KLF9: variants seen among roughly 807,000 people sequenced by gnomAD.
KLF9 encodes the protein KLF transcription factor 9, also known as Krueppel-like factor 9.
Under a neutral mutation model 17.3 loss-of-function variants are expected in KLF9, and 2 were observed. The ratio of observed to expected loss-of-function variants is 0.12; its 90% confidence interval spans 0.05 to 0.36. KLF9 has a LOEUF of 0.36. Among genes scored for constraint, KLF9 ranks in the 10% least tolerant of loss-of-function variants. The pLI, the probability that KLF9 is intolerant of heterozygous loss-of-function variation, is 1.00. For synonymous variants in KLF9, 138 were observed against 139.2 expected (o/e 0.99, Z 0.06); for missense variants, 226 against 333.2 (o/e 0.68, Z 2.51).
chr9:70,409,113 TAC>T (rs1222820617), intron 1 of KLF9, among the ~76,000 whole-genome samples: 2 of 90,756 alleles, frequency 2.2e-5, no homozygotes, highest in South Asian at 7.0e-4. Context: ...TGTATATATA[TAC>T]ATATATGTAT....
chr9:70,408,718 C>A (rs1005252218), intron 1 of KLF9, among the ~76,000 whole-genome samples: 2 of 152,026 alleles, frequency 1.3e-5, no homozygotes, highest in African/African-American at 4.8e-5. Flanking sequence ...GAGAAGAGTG[C>A]AAGAAGCTCA....
chr9:70,409,978 C>A (rs914620112), intron 1 of KLF9, among the ~76,000 whole-genome samples: 1 of 152,222 alleles, frequency 6.6e-6, no homozygotes, highest in African/African-American at 2.4e-5. Flanking sequence ...GTGTGTGGAA[C>A]CCTACCAAGT....
chr9:70,412,825 CCA>C, intron 1 of KLF9, 32 bp downstream of exon 1: 5 of 1,529,208 alleles, frequency 3.3e-6, no homozygotes, highest in Non-Finnish European at 4.4e-6. Flanking sequence ...TTAACTAACC[CCA>C]GAGCTCCGGG....
At chr9:70,407,748 C>G (rs1333948061) in intron 1 of KLF9, among the ~76,000 whole-genome samples, 2 of 152,216 alleles carry the variant, frequency 1.3e-5, no homozygotes, top group African/African-American at 4.8e-5. Context: ...GGCTGAAGAA[C>G]AGTCTGGGCA....
intron 1 of KLF9, among the ~76,000 whole-genome samples, chr9:70,394,320 T>C (rs201378864): frequency 3.6e-5 from 2 of 55,642 alleles, no homozygotes; most frequent in South Asian, 6.6e-4. Context: ...CACACACACA[T>C]TTAGTATCAT....
chr9:70,392,100 G>A (rs2037156778), intron 1 of KLF9, among the ~76,000 whole-genome samples: 1 of 152,198 alleles, frequency 6.6e-6, no homozygotes, highest in Non-Finnish European at 1.5e-5. Context: ...CATGAGAATC[G>A]CTTGAACCCG....
Position 70,384,957 on chromosome 9 carries a change from A to T in KLF9, c.*2819T>A, listed in dbSNP as rs2037099383. The T allele has an allele frequency of 6.6e-6, 1 of 152,450 alleles. No individual in the cohort carries two copies. Among genetic ancestry groups the T allele is most frequent in the Non-Finnish European group, 1.5e-5 (1 of 68,034 alleles). 9.4% of individuals were successfully genotyped at this position (152,450 alleles called of 1,614,324 possible). A position where few individuals can be genotyped will look rare whatever the true frequency, so the allele number is the denominator to read the frequency against. ...AACCTTAAAGCCAGGGCATCATTCC[A>T]CAATGGTGAAGGGCTTTCTTCTTCC... On this transcript the variant is annotated 3_prime_UTR_variant, in exon 2 of 2. Coordinates refer to ENST00000377126, the MANE Select transcript of KLF9 (RefSeq NM_001206.4).
chr9:70,398,404 C>T (rs758670348), intron 1 of KLF9, among the ~76,000 whole-genome samples: 2 of 152,184 alleles, frequency 1.3e-5, no homozygotes, highest in East Asian at 1.9e-4. Flanking sequence ...ATCCAAATAT[C>T]GTGCACACAT....
chr9:70,392,915 C>T (rs772220091), intron 1 of KLF9, among the ~76,000 whole-genome samples: 28 of 152,172 alleles, frequency 1.8e-4, no homozygotes, highest in Non-Finnish European at 3.4e-4. Context: ...CACACTTGTA[C>T]CACTGCATTA....
intron 1 of KLF9, among the ~76,000 whole-genome samples, chr9:70,406,276 C>T (rs936768104): frequency 1.3e-5 from 2 of 152,134 alleles, no homozygotes; most frequent in Non-Finnish European, 2.9e-5. Context: ...TGGTGAGGCT[C>T]TGGGAGATTA....
intron 1 of KLF9, among the ~76,000 whole-genome samples, chr9:70,407,683 G>A (rs1295041598): frequency 1.3e-5 from 2 of 152,164 alleles, no homozygotes; most frequent in Non-Finnish European, 2.9e-5. Context: ...AGAGCTATAG[G>A]GTCCTAACAG....
intron 1 of KLF9, among the ~76,000 whole-genome samples, chr9:70,411,631 AG>A (rs1351751223): frequency 6.6e-6 from 1 of 152,198 alleles, no homozygotes; most frequent in Non-Finnish European, 1.5e-5. Context: ...TCTTTTAAAA[AG>A]GAAAGCAAAA....
chr9:70,402,190 T>C (rs566044891), intron 1 of KLF9, among the ~76,000 whole-genome samples: 1 of 152,252 alleles, frequency 6.6e-6, no homozygotes, highest in South Asian at 2.1e-4. Flanking sequence ...TGGATTACAA[T>C]ACGAGAGAAA....
intron 1 of KLF9, among the ~76,000 whole-genome samples, chr9:70,409,161 C>T (rs10868823): frequency 0.19 from 10,158 of 53,184 alleles, 1,728 homozygotes; most frequent in Non-Finnish European, 0.32. Flanking sequence ...TATATATATA[C>T]ACATATATGT....
rs1228414753 is a variant in KLF9 at position 70,413,359 on chromosome 9, G to A, written c.5C>T (p.Ser2Phe). The A allele has an allele frequency of 2.0e-6, 3 of 1,532,430 alleles. No individual in the cohort carries two copies. The highest frequency in any genetic ancestry group is 1.4e-5 in the African/African-American group (1 of 73,126). 94.9% of individuals were successfully genotyped at this position (1,532,430 alleles called of 1,614,324 possible). A position where few individuals can be genotyped will look rare whatever the true frequency, so the allele number is the denominator to read the frequency against. The change falls in exon 1 of 2, where the codon TCC becomes TTC. Residue 2 changes from serine to phenylalanine, a missense_variant. Physicochemically the swap from Ser to Phe is radical, Grantham distance 155. Transcript: ENST00000377126. This position sits in a 1 kb window ranked among gnomAD's most constrained non-coding sequence, Gnocchi z 5.6. The stretch of plus-strand genomic sequence containing the variant: ...CACGAAGTCCATGTAGGCGGCCGCG[G>A]ACATGGTGCGGGCGACGGCAGCCCA... M[S>F]AAAYMDFVAA... is the part of the protein sequence containing the mutation.
At chr9:70,410,901 A>G (rs906817641) in intron 1 of KLF9, among the ~76,000 whole-genome samples, 1 of 152,126 alleles carries the variant, frequency 6.6e-6, no homozygotes, top group Non-Finnish European at 1.5e-5. Flanking sequence ...TCAACCATGC[A>G]CTAAGATTAG....
chr9:70,392,060 C>T (rs1395469839), intron 1 of KLF9, among the ~76,000 whole-genome samples: 1 of 152,190 alleles, frequency 6.6e-6, no homozygotes, highest in Admixed American at 6.5e-5. Context: ...TGGCGTTGCA[C>T]ACCTATAATC....
At chr9:70,411,612 C>A (rs185392667) in intron 1 of KLF9, among the ~76,000 whole-genome samples, 2 of 152,212 alleles carry the variant, frequency 1.3e-5, no homozygotes. Context: ...GAAGCAGTTA[C>A]GTGGCCTTTC....
chr9:70,408,588 T>C (rs1204003044), intron 1 of KLF9, among the ~76,000 whole-genome samples: 1 of 152,098 alleles, frequency 6.6e-6, no homozygotes, highest in Non-Finnish European at 1.5e-5. Flanking sequence ...GGCAAGGCCT[T>C]GCTCTGTCCC....
Sources: allele counts gnomAD v4.1 joint callset (sites outside exome capture counted in the v4.1 genomes callset), GRCh38; gene constraint gnomAD v4.1.1; non-coding constraint Gnocchi (gnomAD v3.1); transcripts MANE v1.5; gene names NCBI Gene and HGNC (gene_info 2026-07-23, HGNC 2026-07-21).